Variants in SHANK1 observed in about 807,000 individuals in gnomAD.
SHANK1 encodes SH3 and multiple ankyrin repeat domains protein 1.
A neutral mutation model predicts 165.6 loss-of-function variants in SHANK1; 35 were observed. The observed-to-expected ratio is 0.21, with a 90% CI of 0.16 to 0.28. The LOEUF (loss-of-function observed/expected upper bound fraction) is 0.28. Ranked by LOEUF, SHANK1 falls within the 10% of genes least tolerant of loss-of-function variation. The probability of loss-of-function intolerance (pLI) is 1.00; values close to 1 mark genes in which losing one functional copy is unlikely to be tolerated. For missense variants in SHANK1, 2,681 were observed against 3,036.4 expected, an observed-to-expected ratio of 0.88 and a Z score of 2.75; for synonymous variants, 1,428 against 1,384.8, an observed-to-expected ratio of 1.03 and a Z score of -0.69.
rs759453731 is a variant in SHANK1, at chr19:50,662,230, C to T, written c.6221G>A (p.Arg2074His). 40 of 1,609,470 alleles carry T rather than the reference C, an allele frequency of 2.5e-5. No homozygotes were observed. The highest frequency in any genetic ancestry group is 1.6e-4 in the Middle Eastern group (1 of 6,066). Residue 2074 changes from arginine (R) to histidine (H), a missense_variant, in exon 24 of 24, where the codon CGC becomes CAC. This residue lies in a region of SHANK1 where 1,713 missense variants were observed against 1,630.2 expected (regional missense o/e 1.05). Coordinates refer to ENST00000293441, the MANE Select transcript of SHANK1 (RefSeq NM_016148.5). This position sits in a 1 kb window ranked among gnomAD's most constrained non-coding sequence, Gnocchi z 7.7. ...GLGGALSGAS[R>H]SLSPTRLLSL... ...GAGCAGGCGGGTCGGTGAGAGGGAG[C>T]GCGAGGCCCCTGACAAGGCTCCCCC...
chr19:50,668,666 C>T lies in SHANK1; in HGVS notation c.3294G>A (p.Val1098=). The T allele has an allele frequency of 1.5e-6, 2 of 1,359,386 alleles. No individual in the cohort carries two copies. The highest frequency in any genetic ancestry group is 9.5e-7 in the Non-Finnish European group (1 of 1,057,246). 84.2% of individuals were successfully genotyped at this position (1,359,386 alleles called of 1,614,324 possible). ...PPRAASAAMY[V]PARSGRGRKG... ...TGCGGCCGCGGCCCGAGCGGGCGGG[C>T]ACGTACATGGCTGCGCTGGCCGCCC... The change falls in exon 23 of 24, where the codon GTG becomes GTA. Residue 1098 remains valine, a synonymous_variant. Coordinates refer to ENST00000293441, the MANE Select transcript of SHANK1 (RefSeq NM_016148.5).
intron 23 of SHANK1, among the ~76,000 whole-genome samples, chr19:50,664,847 C>T (rs1045459661): frequency 3.9e-4 from 59 of 152,206 alleles, no homozygotes; most frequent in African/African-American, 1.3e-3. Flanking sequence ...CTCGGCCTCC[C>T]GGGTTCAAGT....
intron 12 of SHANK1, among the ~76,000 whole-genome samples, chr19:50,699,940 C>G (rs1400865391): frequency 9.6e-6 from 1 of 104,014 alleles, no homozygotes; most frequent in Non-Finnish European, 2.0e-5. Flanking sequence ...GATTGGAGGG[C>G]TCGGGGCATT....
In SHANK1 at chr19:50,716,921, G is replaced by C; in HGVS notation, c.-2C>G. 7.0e-7 allele frequency: 1 copy of C among 1,431,896 alleles called. No individual in the cohort carries two copies. Among genetic ancestry groups the C allele is most frequent in the Non-Finnish European group, 9.2e-7 (1 of 1,091,918 alleles). The allele number at this position is 1,431,896 out of a possible 1,614,324, so 88.7% of individuals were successfully genotyped here. A position where few individuals can be genotyped will look rare whatever the true frequency, so the allele number is the denominator to read the frequency against. On this transcript the variant is annotated 5_prime_UTR_variant, in exon 2 of 24. Transcript: ENST00000293441. This position sits in a 1 kb window ranked among gnomAD's most constrained non-coding sequence, Gnocchi z 8.4. ...GCTTGTCGCGGGGCTGTGGGTCATTGTGGGGCCACGGGGCGACGGGGGACG... is the reference window on the plus strand; with the variant it reads ...GCTTGTCGCGGGGCTGTGGGTCATTCTGGGGCCACGGGGCGACGGGGGACG...
At chr19:50,680,426 G>A (rs939883530) in intron 21 of SHANK1, among the ~76,000 whole-genome samples, 4 of 152,046 alleles carry the variant, frequency 2.6e-5, no homozygotes, top group South Asian at 2.1e-4. Flanking sequence ...GGGAGCCCTC[G>A]GGCATCAGTG....
Position 50,666,939 on chromosome 19 carries a change from C to A in SHANK1, c.5021G>T (p.Gly1674Val). 6.2e-7 allele frequency: 1 copy of A among 1,600,574 alleles called. No individual in the cohort carries two copies. The highest frequency in any genetic ancestry group is 8.5e-7 in the Non-Finnish European group (1 of 1,173,512). Residue 1674 changes from glycine (G) to valine (V), a missense_variant, in exon 23 of 24, where the codon GGC (glycine) becomes GTC (valine). This residue lies in a region of SHANK1 where 1,713 missense variants were observed against 1,630.2 expected (regional missense o/e 1.05). Coordinates refer to ENST00000293441, the MANE Select transcript of SHANK1 (RefSeq NM_016148.5). ...GPDPPPGTDS[G>V]IEEVDSRSSS... Reference sequence around the variant, plus strand: ...GCTCCGACTGTCCACCTCCTCGATGCCAGAATCCGTGCCAGGCGGAGGGTC... The same window carrying A: ...GCTCCGACTGTCCACCTCCTCGATGACAGAATCCGTGCCAGGCGGAGGGTC...
In SHANK1 at chr19:50,714,288, C is replaced by G. The variant is rs1184679512; in HGVS notation, c.534G>C (p.Thr178=). 1 of 1,613,886 alleles carries G rather than the reference C, an allele frequency of 6.2e-7. No individual in the cohort carries two copies. The highest frequency in any genetic ancestry group is 1.1e-5 in the South Asian group (1 of 91,062). ...EKQLAKLHTK[T]GLKKFLEYVQ... ...CATACTCCAGGAACTTCTTCAACCCCGTCTGAGCCATGGGCAAAGAGAGAG... is the reference window on the plus strand; with the variant it reads ...CATACTCCAGGAACTTCTTCAACCCGGTCTGAGCCATGGGCAAAGAGAGAG... Residue 178 remains threonine, a splice_region_variant and synonymous_variant, in exon 5 of 24, where the codon ACG becomes ACC. Transcript: ENST00000293441.
Position 50,662,802 on chromosome 19 carries a change from A to G in SHANK1, c.5769-120T>C. 5.9e-6 allele frequency: 6 copies of G among 1,015,506 alleles called. No homozygotes were observed. The highest frequency in any genetic ancestry group is 3.1e-5 in the South Asian group (2 of 64,706). The allele number at this position is 1,015,506 out of a possible 1,614,324, so 62.9% of individuals were successfully genotyped here. A position where few individuals can be genotyped will look rare whatever the true frequency, so the allele number is the denominator to read the frequency against. On this transcript the variant is annotated intron_variant, in intron 23 of 23. Coordinates refer to ENST00000293441, the MANE Select transcript of SHANK1 (RefSeq NM_016148.5). The surrounding 1 kb of genome is among the most constrained non-coding windows in gnomAD (Gnocchi z 7.7). ...GGAGGAGAGACATAAGGGTAGGGGG[A>G]GAGACGGAGGAGAGACGGGAAGAAA...
At position 50,667,016 on chromosome 19, in the gene SHANK1, T is replaced by A. The variant is rs1985553150; in HGVS notation, c.4944A>T (p.Pro1648=). ...CCGGTGCTGCTGGGGCAGGCGGGCCTGGTGGATGGGGGTCCCCAGGAGCGG... is the reference window on the plus strand; with the variant it reads ...CCGGTGCTGCTGGGGCAGGCGGGCCAGGTGGATGGGGGTCCCCAGGAGCGG... The part of the protein sequence containing the change: ...ASAAPGDPHP[P]GPPAPAAPAP... Residue 1648 remains proline, a synonymous_variant, in exon 23 of 24, where the codon CCA becomes CCT. Coordinates refer to ENST00000293441, the MANE Select transcript of SHANK1 (RefSeq NM_016148.5). This position sits in a 1 kb window ranked among gnomAD's most constrained non-coding sequence, Gnocchi z 5.7. 1.3e-6 allele frequency: 2 copies of A among 1,556,152 alleles called. No individual in the cohort carries two copies. The highest frequency in any genetic ancestry group is 1.3e-5 in the African/African-American group (1 of 74,222).
At position 50,672,284 on chromosome 19, in the gene SHANK1, G is replaced by A. The variant is rs543219487; in HGVS notation, c.2578-170C>T. Among the ~76,000 whole-genome samples the A allele has an allele frequency of 1.3e-4, 20 of 152,256 alleles. No homozygotes were observed. In the East Asian group the frequency reaches 2.7e-3, roughly 21 times the overall value. On this transcript the variant is annotated intron_variant, in intron 21 of 23. Coordinates refer to ENST00000293441, the MANE Select transcript of SHANK1 (RefSeq NM_016148.5). The stretch of plus-strand genomic sequence containing the variant: ...AAGGAGGCCGGGCAACGTGGCTCAC[G>A]CCTGTAATCCCAGCACTTTGGGAGG...
rs745405624 is a variant in SHANK1, at chr19:50,686,275, G to C, written c.2539C>G (p.Leu847Val). The stretch of plus-strand genomic sequence containing the variant: ...AAACCTTTGGGTCGGTGTTTGCCCA[G>C]GGACGCGAGGCCACCGGGACCAGGG... ...ESPGPGGLAS[L>V]GKHRPKGFFA... The change falls in exon 21 of 24, where the codon CTG (leucine) becomes GTG (valine). Residue 847 changes from leucine to valine, a missense_variant. Leu to Val is a conservative substitution (Grantham distance 32). This residue lies in a region of SHANK1 where 206 missense variants were observed against 216.0 expected (regional missense o/e 0.95). Coordinates refer to ENST00000293441, the MANE Select transcript of SHANK1 (RefSeq NM_016148.5). This position sits in a 1 kb window ranked among gnomAD's most constrained non-coding sequence, Gnocchi z 5.7. The C allele has an allele frequency of 6.2e-7, 1 of 1,607,720 alleles. No individual in the cohort carries two copies. Among genetic ancestry groups the C allele is most frequent in the Non-Finnish European group, 8.5e-7 (1 of 1,176,640 alleles).
chr19:50,665,532 A>T (rs1232997718), intron 23 of SHANK1, among the ~76,000 whole-genome samples: 3 of 128,428 alleles, frequency 2.3e-5, no homozygotes, highest in African/African-American at 6.1e-5. Flanking sequence ...GTACCACTGC[A>T]CTCCAGCCTG....
Position 50,688,862 on chromosome 19 carries a change from C to G in SHANK1, c.2154G>C (p.Met718Ile). 1 of 1,603,150 alleles carries G rather than the reference C, an allele frequency of 6.2e-7. No individual in the cohort carries two copies. Among genetic ancestry groups the G allele is most frequent in the Non-Finnish European group, 8.5e-7 (1 of 1,174,924 alleles). Residue 718 changes from methionine to isoleucine, a missense_variant, in exon 17 of 24, where the codon ATG (methionine) becomes ATC (isoleucine). Transcript: ENST00000293441. This position sits in a 1 kb window ranked among gnomAD's most constrained non-coding sequence, Gnocchi z 6.7. ...GGVAWRAGLRMGDFLIEVNGQ... is the reference protein window; with the variant it reads ...GGVAWRAGLRIGDFLIEVNGQ... ...GACTGACCTCGATGAGGAAGTCTCC[C>G]ATTCGCAGTCCAGCTCGCCATGCCA... is the stretch of plus-strand genomic sequence containing the variant.
rs1568441345 is a variant in SHANK1, at chr19:50,702,605, G to T, written c.1609C>A (p.Pro537Thr). Residue 537 changes from proline to threonine, a missense_variant, in exon 12 of 24, where the codon CCC (proline) becomes ACC (threonine). This residue lies in a region of SHANK1 where 195 missense variants were observed against 186.2 expected (regional missense o/e 1.05). Coordinates refer to ENST00000293441, the MANE Select transcript of SHANK1 (RefSeq NM_016148.5). The surrounding 1 kb of genome is among the most constrained non-coding windows in gnomAD (Gnocchi z 5.3). ...CCGCGGCTGCCCAGGGAGCCCCCGG[G>T]GCCCCCTGAGCCCCCCGTGCCCCCG... ...PAGGTGGSGG[P>T]GGSLGSRGRR... 2 of 1,597,024 alleles carry T rather than the reference G, an allele frequency of 1.3e-6. No individual in the cohort carries two copies. Among genetic ancestry groups the T allele is most frequent in the Admixed American group, 1.7e-5 (1 of 58,030 alleles).
rs751890918 is a variant in SHANK1 at position 50,668,662 on chromosome 19, C to T, written c.3298G>A (p.Ala1100Thr). Reference protein sequence around the residue: ...RAASAAMYVPARSGRGRKGPL... With the variant: ...RAASAAMYVPTRSGRGRKGPL... ...CCCTTGCGGCCGCGGCCCGAGCGGG[C>T]GGGCACGTACATGGCTGCGCTGGCC... The change falls in exon 23 of 24, where the codon GCC becomes ACC. Residue 1100 changes from alanine (A) to threonine (T), a missense_variant. By Grantham distance (58) the Ala-to-Thr change is moderately conservative. This residue lies in a region of SHANK1 where 1,713 missense variants were observed against 1,630.2 expected (regional missense o/e 1.05). Coordinates refer to ENST00000293441, the MANE Select transcript of SHANK1 (RefSeq NM_016148.5). 3.7e-6 allele frequency: 5 copies of T among 1,358,478 alleles called. No individual in the cohort carries two copies. Among genetic ancestry groups the T allele is most frequent in the Non-Finnish European group, 9.5e-7 (1 of 1,056,390 alleles). 84.2% of individuals were successfully genotyped at this position (1,358,478 alleles called of 1,614,324 possible).
At chr19:50,711,031 G>A (rs868441387) in intron 8 of SHANK1, 3 of 212,296 alleles carry the variant, frequency 1.4e-5, no homozygotes, top group Middle Eastern at 1.9e-3. Flanking sequence ...GTGGGCTCCC[G>A]CAGGGATCTG....
Position 50,713,738 on chromosome 19 carries a change from G to T in SHANK1, c.792+60C>A. On this transcript the variant is annotated intron_variant, in intron 6 of 23. Transcript: ENST00000293441. The surrounding 1 kb of genome is among the most constrained non-coding windows in gnomAD (Gnocchi z 6.2). ...AACCAAAGAACTGAGGTTTGAGAAA[G>T]AACAAAGGGAAAAGGAGAGAGGGCC... 1 of 1,597,596 alleles carries T rather than the reference G, an allele frequency of 6.3e-7. No individual in the cohort carries two copies. The highest frequency in any genetic ancestry group is 8.5e-7 in the Non-Finnish European group (1 of 1,170,646).
intron 15 of SHANK1, chr19:50,689,525 T>C: frequency 1.6e-6 from 1 of 642,954 alleles, no homozygotes; most frequent in Non-Finnish European, 2.8e-6. Context: ...CATGCATCCA[T>C]CCACCCATCC....
intron 21 of SHANK1, among the ~76,000 whole-genome samples, chr19:50,680,513 A>G (rs771454913): frequency 3.3e-5 from 5 of 152,106 alleles, no homozygotes; most frequent in Non-Finnish European, 2.9e-5. Context: ...CTAGGAGGAG[A>G]CAGCCCAAGA....
Sources: gnomAD v4.1 joint callset for allele counts (sites outside exome capture counted in the v4.1 genomes callset) on GRCh38, gnomAD v4.1.1 for gene constraint, gnomAD v4.1.1 regional missense constraint, Gnocchi (gnomAD v3.1) non-coding constraint, MANE v1.5 for transcripts, NCBI Gene and HGNC (gene_info 2026-07-23, HGNC 2026-07-21) for gene names.